Variants in DLC1 observed in about 807,000 individuals in gnomAD.
DLC1 encodes the protein rho GTPase-activating protein 7.
A neutral mutation model predicts 140.3 loss-of-function variants in DLC1; 54 were observed. That is an observed-to-expected ratio of 0.38 (90% CI 0.31 to 0.48). The LOEUF is 0.48. Among genes scored for constraint, DLC1 ranks in the 20% least tolerant of loss-of-function variants. The probability of loss-of-function intolerance (pLI) is 0.96; values close to 1 mark genes in which losing one functional copy is unlikely to be tolerated. For missense variants in DLC1, 2,536 were observed against 1,907.0 expected, an observed-to-expected ratio of 1.33 and a Z score of -6.14; for synonymous variants, 986 against 728.1, an observed-to-expected ratio of 1.35 and a Z score of -5.70.
chr8:13,568,766 T>C (rs1804544032), intron 1 of DLC1, among the ~76,000 whole-genome samples: 1 of 152,224 alleles, frequency 6.6e-6, no homozygotes, highest in South Asian at 2.1e-4. Context: ...GATAGTTGTC[T>C]AACCACATCA....
At chr8:13,549,570 GAC>G (rs1260959969) in intron 1 of DLC1, among the ~76,000 whole-genome samples, 1 of 152,060 alleles carries the variant, frequency 6.6e-6, no homozygotes, top group East Asian at 1.9e-4. Context: ...TCATGTATGT[GAC>G]ACAACGAATC....
intron 1 of DLC1, among the ~76,000 whole-genome samples, chr8:13,603,085 C>T (rs1332640824): frequency 6.6e-6 from 1 of 151,824 alleles, no homozygotes; most frequent in Non-Finnish European, 1.5e-5. Flanking sequence ...AAATTGTTCA[C>T]AAACATGCTG....
intron 2 of DLC1, among the ~76,000 whole-genome samples, chr8:13,468,329 C>CCTCCCCTCCA (rs1800038789): frequency 2.9e-5 from 3 of 104,624 alleles, no homozygotes; most frequent in African/African-American, 1.0e-4. Context: ...CTCTCTTTCC[C>CCTCCCCTCCA]TTCCCCCCAT....
intron 1 of DLC1, among the ~76,000 whole-genome samples, chr8:13,586,348 T>A (rs1220558943): frequency 6.6e-6 from 1 of 152,088 alleles, no homozygotes; most frequent in African/African-American, 2.4e-5. Context: ...AAACAGGAAG[T>A]AAATCAGTAA....
At position 13,358,911 on chromosome 8, in the gene DLC1, C is replaced by G. The variant is rs1341228228; in HGVS notation, c.1314+34642G>C. ...GGCAACACTATTTGAAAAGTAATGC[C>G]TATTTTATTCTGCAAAAGCAAGACA... On this transcript the variant is annotated intron_variant, in intron 4 of 17. Transcript: ENST00000276297. Among the ~76,000 whole-genome samples the G allele has an allele frequency of 3.3e-5, 5 of 152,186 alleles. No homozygotes were observed. The East Asian group carries it at 7.7e-4, about 24-fold the overall frequency.
intron 2 of DLC1, among the ~76,000 whole-genome samples, chr8:13,479,152 T>C (rs773311435): frequency 6.6e-6 from 1 of 152,234 alleles, no homozygotes; most frequent in Non-Finnish European, 1.5e-5. Context: ...TGTTATTTTG[T>C]ATCCCTTCCA....
At chr8:13,469,787 A>G (rs955775202) in intron 2 of DLC1, among the ~76,000 whole-genome samples, 1 of 152,322 alleles carries the variant, frequency 6.6e-6, no homozygotes, top group South Asian at 2.1e-4. Context: ...CTAGAAAAAC[A>G]TATTGTTTTG....
intron 5 of DLC1, among the ~76,000 whole-genome samples, chr8:13,143,846 G>GAGAGAGAGAGAGAGAGAGAGAGACAT (rs1476183797): frequency 6.7e-6 from 1 of 148,388 alleles, no homozygotes; most frequent in African/African-American, 2.5e-5. Context: ...GAGAGAGAGA[G>GAGAGAGAGAGAGAGAGAGAGAGACAT]AGAGAGACAT....
At chr8:13,251,693 T>C (rs1393477707) in intron 5 of DLC1, among the ~76,000 whole-genome samples, 2 of 152,018 alleles carry the variant, frequency 1.3e-5, no homozygotes, top group African/African-American at 2.4e-5. Context: ...ATAACTGAGC[T>C]CAAAATCATG....
At chr8:13,576,568 A>T (rs1279931969) in intron 1 of DLC1, among the ~76,000 whole-genome samples, 1 of 152,238 alleles carries the variant, frequency 6.6e-6, no homozygotes, top group African/African-American at 2.4e-5. Flanking sequence ...GAGAGAGTCG[A>T]TTGCTATTTC....
In DLC1 at chr8:13,503,428, A is replaced by C. The variant is rs146413669; in HGVS notation, c.-125-3232T>G. Among the ~76,000 whole-genome samples the C allele has an allele frequency of 5.5e-3, 833 of 152,306 alleles. 9 individuals carry two copies. Among genetic ancestry groups the C allele is most frequent in the African/African-American group, 0.019 (785 of 41,572 alleles). ...TAATAAATTAAACAAATTAAATGTT[A>C]CCGTATTTAACAATTGGAGACATTC... On this transcript the variant is annotated intron_variant, in intron 1 of 17. Transcript: ENST00000276297.
intron 5 of DLC1, among the ~76,000 whole-genome samples, chr8:13,136,883 C>G (rs755152859): frequency 6.6e-6 from 1 of 152,108 alleles, no homozygotes; most frequent in Non-Finnish European, 1.5e-5. Flanking sequence ...TGTTATTTAG[C>G]TTCTCAAAAC....
At chr8:13,088,989 T>C (rs1817806921) in intron 15 of DLC1, among the ~76,000 whole-genome samples, 1 of 152,154 alleles carries the variant, frequency 6.6e-6, no homozygotes, top group South Asian at 2.1e-4. Context: ...CCGGGTGCAG[T>C]GGCTCATTCC....
chr8:13,190,464 T>G (rs1826684190), intron 5 of DLC1, among the ~76,000 whole-genome samples: 1 of 152,214 alleles, frequency 6.6e-6, no homozygotes, highest in Non-Finnish European at 1.5e-5. Context: ...TCTCTCTCTC[T>G]TTCTGGACCT....
At chr8:13,566,828 G>A in intron 1 of DLC1, 2 of 911,906 alleles carry the variant, frequency 2.2e-6, no homozygotes, top group Non-Finnish European at 3.1e-6. Flanking sequence ...CTGCGCATGA[G>A]CGGCCCGCGT....
chr8:13,494,915 C>A (rs1023339742), intron 2 of DLC1, among the ~76,000 whole-genome samples: 1 of 152,162 alleles, frequency 6.6e-6, no homozygotes, highest in Non-Finnish European at 1.5e-5. Flanking sequence ...CACACCCCTG[C>A]ACTCCAGCCT....
intron 4 of DLC1, among the ~76,000 whole-genome samples, chr8:13,389,076 C>T (rs886481562): frequency 2.6e-5 from 4 of 152,012 alleles, no homozygotes; most frequent in Non-Finnish European, 4.4e-5. Context: ...CTTGATTATT[C>T]TACACAGTAG....
At chr8:13,192,474 A>G (rs1826816458) in intron 5 of DLC1, among the ~76,000 whole-genome samples, 1 of 152,182 alleles carries the variant, frequency 6.6e-6, no homozygotes, top group African/African-American at 2.4e-5. Flanking sequence ...GCAATTTCCC[A>G]CACATGCGTA....
chr8:13,140,844 T>C (rs1247319819), intron 5 of DLC1, among the ~76,000 whole-genome samples: 1 of 152,198 alleles, frequency 6.6e-6, no homozygotes, highest in African/African-American at 2.4e-5. Flanking sequence ...ATAGGGTTTT[T>C]GGCTTTATTT....
Sources: allele counts gnomAD v4.1 joint callset (sites outside exome capture counted in the v4.1 genomes callset), GRCh38; gene constraint gnomAD v4.1.1; transcripts MANE v1.5; gene names NCBI Gene and HGNC (gene_info 2026-07-23, HGNC 2026-07-21).